Variants in ANK3 observed in about 807,000 individuals in gnomAD.
ANK3 encodes ankyrin-3.
Under a neutral mutation model 370.9 loss-of-function variants are expected in ANK3, and 57 were observed. That is an observed-to-expected ratio of 0.15 (90% CI 0.12 to 0.19). The LOEUF is 0.19. Among genes scored for constraint, ANK3 ranks in the 10% least tolerant of loss-of-function variants. ANK3 has a pLI of 1.00. For missense variants in ANK3, 4,439 were observed against 5,302.1 expected (o/e 0.84, Z 5.06); for synonymous variants, 1,929 against 1,946.3 (o/e 0.99, Z 0.23).
chr10:60,241,905 T>A (rs934043469), intron 7 of ANK3, among the ~76,000 whole-genome samples: 1 of 152,204 alleles, frequency 6.6e-6, no homozygotes, highest in African/African-American at 2.4e-5. Flanking sequence ...TGGATAAATA[T>A]TCAGAAATTT....
At chr10:60,496,137 T>C (rs749771705) in intron 2 of ANK3, among the ~76,000 whole-genome samples, 1 of 152,130 alleles carries the variant, frequency 6.6e-6, no homozygotes, top group Non-Finnish European at 1.5e-5. Flanking sequence ...TCCTGTTGAG[T>C]AATTTATGAT....
intron 39 of ANK3, 136 bp from the exon 40 acceptor site, chr10:60,063,390 T>G: frequency 1.3e-6 from 1 of 793,228 alleles, no homozygotes; most frequent in Non-Finnish European, 1.9e-6. Flanking sequence ...GCAATCTCCC[T>G]ATCCAGAGGA....
chr10:60,645,514 T>C (rs1349506611), intron 1 of ANK3, among the ~76,000 whole-genome samples: 1 of 152,044 alleles, frequency 6.6e-6, no homozygotes, highest in Non-Finnish European at 1.5e-5. Flanking sequence ...TCGCTTGAGG[T>C]CAGGAGTTCG....
At chr10:60,622,233 C>A (rs1595358028) in intron 1 of ANK3, among the ~76,000 whole-genome samples, 1 of 147,758 alleles carries the variant, frequency 6.8e-6, no homozygotes, top group Non-Finnish European at 1.5e-5. Flanking sequence ...ACTAAACCTA[C>A]AAAAAATAGG....
At chr10:60,691,388 A>C (rs1205522035) in intron 1 of ANK3, among the ~76,000 whole-genome samples, 1 of 152,208 alleles carries the variant, frequency 6.6e-6, no homozygotes, top group African/African-American at 2.4e-5. Flanking sequence ...CAAATTGCCA[A>C]CTCTGAGACT....
Position 60,086,850 on chromosome 10 carries a change from A to G in ANK3, c.3575T>C (p.Ile1192Thr), listed in dbSNP as rs747872965. The change falls in exon 30 of 44, where the codon ATC becomes ACC. Residue 1192 changes from isoleucine to threonine, a missense_variant. Transcript: ENST00000280772. ...GCTAAAAGTTGCTTTGTTTCCAAGG[A>G]TCTTTTTCACAATTTCATCTGGAAC... ...QPVPDEIVKKILGNKATFSPI... is the reference protein window; with the variant it reads ...QPVPDEIVKKTLGNKATFSPI... The G allele has an allele frequency of 6.2e-7, 1 of 1,613,042 alleles. No homozygotes were observed. The highest frequency in any genetic ancestry group is 8.5e-7 in the Non-Finnish European group (1 of 1,179,950).
At chr10:60,139,295 C>T (rs1035347778) in intron 23 of ANK3, 38 of 505,950 alleles carry the variant, frequency 7.5e-5, no homozygotes, top group Non-Finnish European at 1.2e-4. Flanking sequence ...ATTTAAGTAG[C>T]GGAAACAACT....
chr10:60,232,837 C>T (rs924827437), intron 8 of ANK3, among the ~76,000 whole-genome samples: 5 of 152,046 alleles, frequency 3.3e-5, no homozygotes, highest in African/African-American at 4.8e-5. Flanking sequence ...AGACACTCGA[C>T]GATCATCTAT....
intron 23 of ANK3, among the ~76,000 whole-genome samples, chr10:60,164,649 G>T (rs562333201): frequency 6.6e-6 from 1 of 152,254 alleles, no homozygotes; most frequent in East Asian, 1.9e-4. Flanking sequence ...ATGAGTAGAT[G>T]CTACAGGAAG....
intron 1 of ANK3, among the ~76,000 whole-genome samples, chr10:60,321,379 A>AGAAAAAAGAAAC (rs2048610569): frequency 1.2e-5 from 1 of 84,738 alleles, no homozygotes; most frequent in African/African-American, 3.4e-5. Flanking sequence ...AGGAAAAGAA[A>AGAAAAAAGAAAC]GAAAAAAGAA....
chr10:60,601,509 C>G (rs915076584), intron 2 of ANK3, among the ~76,000 whole-genome samples: 15 of 151,948 alleles, frequency 9.9e-5, no homozygotes, highest in Non-Finnish European at 2.2e-4. Flanking sequence ...TTCAGACAAC[C>G]TCAAATTGAG....
chr10:60,346,281 A>C (rs1027168288), intron 1 of ANK3, among the ~76,000 whole-genome samples: 107 of 138,212 alleles, frequency 7.7e-4, no homozygotes, highest in African/African-American at 2.6e-3. Flanking sequence ...TAACAGTTCT[A>C]TATGGCACAC....
At chr10:60,034,258 C>G (rs1305837844) in intron 43 of ANK3, among the ~76,000 whole-genome samples, 1 of 152,050 alleles carries the variant, frequency 6.6e-6, no homozygotes, top group Admixed American at 6.6e-5. Flanking sequence ...AGGCGCCCAC[C>G]ACCATGCCTG....
chr10:60,290,029 C>T (rs1023533616), intron 1 of ANK3, among the ~76,000 whole-genome samples: 10 of 152,102 alleles, frequency 6.6e-5, no homozygotes, highest in African/African-American at 1.2e-4. Context: ...ACGGCCATCC[C>T]GATTGTGACC....
At chr10:60,279,437 T>C (rs1338239745) in intron 2 of ANK3, 101 bp downstream of exon 2, 2 of 937,600 alleles carry the variant, frequency 2.1e-6, no homozygotes, top group South Asian at 3.3e-5. Flanking sequence ...CTGATAAAAT[T>C]CAATGGAAAA....
intron 16 of ANK3, among the ~76,000 whole-genome samples, chr10:60,190,455 C>A (rs1334152400): frequency 6.6e-6 from 1 of 152,152 alleles, no homozygotes; most frequent in East Asian, 1.9e-4. Context: ...AACCAAAATA[C>A]AAAAAATAAA....
chr10:60,110,647 G>A (rs537872085), intron 26 of ANK3, among the ~76,000 whole-genome samples: 1 of 152,226 alleles, frequency 6.6e-6, no homozygotes, highest in East Asian at 1.9e-4. Context: ...GCTCTGGGCT[G>A]CCTACATTTT....
At chr10:60,060,612 G>GA (rs1021303004) in intron 40 of ANK3, 4 of 152,074 alleles carry the variant, frequency 2.6e-5, no homozygotes, top group South Asian at 2.1e-4. Flanking sequence ...GTGGCACTGG[G>GA]AAAAAAATTT....
intron 1 of ANK3, chr10:60,300,398 A>G: frequency 7.8e-7 from 1 of 1,289,732 alleles, no homozygotes. Context: ...ATTAGTTAAC[A>G]CTTTGGACAG....
Sources: gnomAD v4.1 joint callset for allele counts (sites outside exome capture counted in the v4.1 genomes callset) on GRCh38, gnomAD v4.1.1 for gene constraint, MANE v1.5 for transcripts, NCBI Gene and HGNC (gene_info 2026-07-23, HGNC 2026-07-21) for gene names.